Variants in COL14A1 observed in about 807,000 individuals in gnomAD.
COL14A1 encodes the protein collagen type XIV alpha 1 chain, also known as collagen alpha-1(XIV) chain.
Under a neutral mutation model 230.3 loss-of-function variants are expected in COL14A1, and 136 were observed. That is an observed-to-expected ratio of 0.59 (90% CI 0.51 to 0.68). COL14A1 has a LOEUF of 0.68. Ranked by LOEUF, COL14A1 falls within the 30% of genes least tolerant of loss-of-function variation. The probability of loss-of-function intolerance (pLI) is 0.00; values close to 1 mark genes in which losing one functional copy is unlikely to be tolerated. For synonymous variants in COL14A1, 792 were observed against 784.1 expected (o/e 1.01, Z -0.17); for missense variants, 1,976 against 2,215.8 (o/e 0.89, Z 2.17).
intron 40 of COL14A1, among the ~76,000 whole-genome samples, chr8:120,318,137 G>T (rs971374996): frequency 6.6e-6 from 1 of 152,170 alleles, no homozygotes; most frequent in Non-Finnish European, 1.5e-5. Flanking sequence ...GTGTAACATG[G>T]CTGCCTTGCT....
chr8:120,281,151 C>A, intron 31 of COL14A1, 92 bp downstream of exon 31: 1 of 1,168,418 alleles, frequency 8.6e-7, no homozygotes, highest in Non-Finnish European at 1.2e-6. Context: ...TGTAATAGTC[C>A]CAGGTAGGAT....
chr8:120,266,747 A>G, intron 24 of COL14A1, 80 bp from the exon 25 acceptor site: 1 of 1,130,774 alleles, frequency 8.8e-7, no homozygotes, highest in Non-Finnish European at 1.3e-6. Flanking sequence ...ACTACCCTGA[A>G]TATTTATTAC....
At chr8:120,221,387 T>A (rs971496762) in intron 14 of COL14A1, among the ~76,000 whole-genome samples, 6 of 152,180 alleles carry the variant, frequency 3.9e-5, no homozygotes, top group African/African-American at 7.2e-5. Context: ...CAAAATCAGT[T>A]CTGGGACTAA....
intron 5 of COL14A1, among the ~76,000 whole-genome samples, chr8:120,170,061 T>C (rs1329620025): frequency 6.6e-6 from 1 of 152,078 alleles, no homozygotes; most frequent in Non-Finnish European, 1.5e-5. Context: ...TCAAATTTTA[T>C]ATATCTTTGC....
In COL14A1 at chr8:120,249,124, G is replaced by T. The variant is rs1470115046; in HGVS notation, c.2602+1389G>T. On this transcript the variant is annotated intron_variant, in intron 21 of 47. Coordinates refer to ENST00000297848, the MANE Select transcript of COL14A1 (RefSeq NM_021110.4). ...TTTTTTTTTTTTTAGTAGAGACGGG[G>T]TTTCACCGTGGTCTCGATCTCCTGA... Among the ~76,000 whole-genome samples the T allele has an allele frequency of 3.4e-5, 5 of 148,278 alleles. No individual in the cohort carries two copies. The South Asian group carries it at 1.1e-3, about 32-fold the overall frequency.
rs1003934263 is a variant in COL14A1, at chr8:120,125,348, C to A, written c.-38+8C>A. ...GAACCTTGCCCAGCACAGGTCAGTT[C>A]GTCTTTCTCTGCTCTTCTTTGGCTC... On this transcript the variant is annotated splice_region_variant and intron_variant, in intron 1 of 47. Coordinates refer to ENST00000297848, the MANE Select transcript of COL14A1 (RefSeq NM_021110.4). The A allele has an allele frequency of 6.6e-6, 1 of 152,316 alleles. No individual in the cohort carries two copies. The highest frequency in any genetic ancestry group is 2.4e-5 in the African/African-American group (1 of 41,472). The allele number at this position is 152,316 out of a possible 1,614,324, so 9.4% of individuals were successfully genotyped here.
At chr8:120,236,111 T>A (rs1818434770) in intron 19 of COL14A1, among the ~76,000 whole-genome samples, 1 of 152,196 alleles carries the variant, frequency 6.6e-6, no homozygotes, top group South Asian at 2.1e-4. Context: ...AGTGGAGAGT[T>A]CTGTAGATGT....
chr8:120,369,349 G>T lies in COL14A1; in HGVS notation c.5175G>T (p.Arg1725=). The change falls in exon 47 of 48, where the codon CGG becomes CGT. Residue 1725 remains arginine, a synonymous_variant. Transcript: ENST00000297848. ...TCTTAGGACCTTCAGGGGAGAGTCG[G>T]CCTGGCAGCCCTGGGCCCCCTGGCT... The part of the protein sequence containing the change: ...PGPAGPSGES[R]PGSPGPPGSP... 6.3e-7 allele frequency: 1 copy of T among 1,590,886 alleles called. No individual in the cohort carries two copies. The highest frequency in any genetic ancestry group is 8.6e-7 in the Non-Finnish European group (1 of 1,169,430).
At chr8:120,189,241 T>C (rs1262344560) in intron 5 of COL14A1, among the ~76,000 whole-genome samples, 3 of 152,224 alleles carry the variant, frequency 2.0e-5, no homozygotes, top group Non-Finnish European at 1.5e-5. Context: ...ATTGTACATG[T>C]GTACCTTATG....
Position 120,141,468 on chromosome 8 carries a change from C to G in COL14A1, c.-37-6338C>G, listed in dbSNP as rs568310298. On this transcript the variant is annotated intron_variant, in intron 1 of 47. Coordinates refer to ENST00000297848, the MANE Select transcript of COL14A1 (RefSeq NM_021110.4). ...GCTGAGGTGGGAGAATCACTTGAGT[C>G]CAACAGATTGAGGCTGTTGTGAGCC... Among the ~76,000 whole-genome samples the G allele has an allele frequency of 3.3e-5, 5 of 152,064 alleles. No individual in the cohort carries two copies. In the South Asian group the frequency reaches 1.0e-3, roughly 32 times the overall value.
At chr8:120,267,931 G>A (rs1359260770) in intron 25 of COL14A1, among the ~76,000 whole-genome samples, 1 of 151,762 alleles carries the variant, frequency 6.6e-6, no homozygotes, top group East Asian at 1.9e-4. Context: ...GGTTGTATTG[G>A]AAGAGCTCTT....
At position 120,262,612 on chromosome 8, in the gene COL14A1, A is replaced by C. The variant is rs2290520; in HGVS notation, c.2870-256A>C. 0.65 allele frequency among the ~76,000 whole-genome samples: 99,215 copies of C among 152,132 alleles called. 33,271 individuals carry two copies. The highest frequency in any genetic ancestry group is 0.82 in the African/African-American group (33,867 of 41,538). On this transcript the variant is annotated intron_variant, in intron 23 of 47. Coordinates refer to ENST00000297848, the MANE Select transcript of COL14A1 (RefSeq NM_021110.4). ...TGCATTAATAGTTCTCCATTAAGTAAAGAGTTGATTTCAGAAGTCTTTTAA... is the reference window on the plus strand; with the variant it reads ...TGCATTAATAGTTCTCCATTAAGTACAGAGTTGATTTCAGAAGTCTTTTAA...
chr8:120,143,912 G>A (rs1420758826), intron 1 of COL14A1, among the ~76,000 whole-genome samples: 1 of 151,712 alleles, frequency 6.6e-6, no homozygotes, highest in Non-Finnish European at 1.5e-5. Context: ...CCATTTGGGG[G>A]TAAATTACAC....
rs775630682 is a variant in COL14A1 at position 120,345,505 on chromosome 8, C to T, written c.5019C>T (p.Pro1673=). 1.3e-6 allele frequency: 2 copies of T among 1,592,974 alleles called. No homozygotes were observed. Among genetic ancestry groups the T allele is most frequent in the South Asian group, 2.3e-5 (2 of 87,418 alleles). The part of the protein sequence containing the change: ...GSPGAPGEQG[P]PGTPGFPGNA... Reference sequence around the variant, plus strand: ...CTGGAGCCCCTGGTGAACAAGGACCCCCAGGCACACCAGGCTTCCCCGGAA... The same window carrying T: ...CTGGAGCCCCTGGTGAACAAGGACCTCCAGGCACACCAGGCTTCCCCGGAA... The change falls in exon 45 of 48, where the codon CCC becomes CCT. Residue 1673 remains proline (P), a synonymous_variant. Coordinates refer to ENST00000297848, the MANE Select transcript of COL14A1 (RefSeq NM_021110.4).
chr8:120,285,358 G>T (rs1820160433), intron 32 of COL14A1, among the ~76,000 whole-genome samples: 1 of 151,422 alleles, frequency 6.6e-6, no homozygotes, highest in Non-Finnish European at 1.5e-5. Context: ...CAGCTACTTG[G>T]GAGGCTGAGG....
intron 5 of COL14A1, among the ~76,000 whole-genome samples, chr8:120,189,351 G>A (rs1310051229): frequency 1.3e-5 from 2 of 152,100 alleles, no homozygotes; most frequent in Non-Finnish European, 2.9e-5. Context: ...CAGTTCTCAA[G>A]TGAGTACGTA....
chr8:120,345,719 A>G (rs1452123283), intron 45 of COL14A1, among the ~76,000 whole-genome samples, 156 bp downstream of exon 45: 1 of 152,218 alleles, frequency 6.6e-6, no homozygotes, highest in Non-Finnish European at 1.5e-5. Context: ...TTTATCTCTG[A>G]GATTGAGAAA....
intron 45 of COL14A1, among the ~76,000 whole-genome samples, chr8:120,366,773 C>T (rs1379547835): frequency 6.6e-6 from 1 of 152,184 alleles, no homozygotes; most frequent in East Asian, 1.9e-4. Flanking sequence ...AGACACATTA[C>T]AGAGTGGACC....
chr8:120,307,382 G>A (rs140258659), intron 36 of COL14A1, among the ~76,000 whole-genome samples: 2 of 152,264 alleles, frequency 1.3e-5, no homozygotes, highest in East Asian at 3.9e-4. Flanking sequence ...TTCAATAATG[G>A]TGCTGGGACA....
Sources: allele counts gnomAD v4.1 joint callset (sites outside exome capture counted in the v4.1 genomes callset), GRCh38; gene constraint gnomAD v4.1.1; transcripts MANE v1.5; gene names NCBI Gene and HGNC (gene_info 2026-07-23, HGNC 2026-07-21).